Variants in HPSE observed in about 807,000 individuals in gnomAD.
HPSE encodes the protein heparanase.
Under a neutral mutation model 65.1 loss-of-function variants are expected in HPSE, and 48 were observed. The observed-to-expected ratio is 0.74, with a 90% CI of 0.58 to 0.94. The LOEUF (loss-of-function observed/expected upper bound fraction) is 0.94, where lower values mean the gene tolerates loss of function less well. Among genes scored for constraint, HPSE ranks in the 40% least tolerant of loss-of-function variants. HPSE has a pLI of 0.00. For missense variants in HPSE, 644 were observed against 637.5 expected (o/e 1.01, Z -0.11); for synonymous variants, 243 against 260.0 (o/e 0.93, Z 0.63).
intron 1 of HPSE, among the ~76,000 whole-genome samples, chr4:83,334,040 C>A (rs760918587): frequency 9.2e-5 from 14 of 152,136 alleles, no homozygotes; most frequent in Admixed American, 1.3e-4. Flanking sequence ...GGCAAGTGGG[C>A]AGTTTCTTTT....
rs1206211169 is a variant in HPSE at position 83,313,039 on chromosome 4, AAAG to A, written c.673+72_673+74del. 8.2e-6 allele frequency: 8 copies of A among 979,534 alleles called. No individual in the cohort carries two copies. The Admixed American group carries it at 1.1e-4, about 13-fold the overall frequency. 60.7% of individuals were successfully genotyped at this position (979,534 alleles called of 1,614,324 possible). A position where few individuals can be genotyped will look rare whatever the true frequency, so the allele number is the denominator to read the frequency against. On this transcript the variant is annotated intron_variant, in intron 4 of 11. Coordinates refer to ENST00000311412, the MANE Select transcript of HPSE (RefSeq NM_001098540.3). The stretch of plus-strand genomic sequence containing the variant: ...TCTGTCTCAAAAAAAAAAAAAAAAA[AAAG>A]AAAAAGAAAAGAAAAGAAATAATGC...
intron 5 of HPSE, among the ~76,000 whole-genome samples, chr4:83,310,479 G>C (rs1425215476): frequency 6.6e-6 from 1 of 151,874 alleles, no homozygotes; most frequent in Non-Finnish European, 1.5e-5. Flanking sequence ...GACCAGCCTG[G>C]GCAACACAGG....
In HPSE at chr4:83,313,227, C is replaced by T; in HGVS notation, c.560G>A (p.Gly187Asp). Residue 187 changes from glycine (G) to aspartate (D), a missense_variant, in exon 4 of 12, where the codon GGC (glycine) becomes GAC (aspartate). By Grantham distance (94) the Gly-to-Asp change is moderately conservative (BLOSUM62 -1). Transcript: ENST00000311412. Reference sequence around the variant, plus strand: ...TGCTGTTCTTAATAACGCATTTAGGCCAAAGATCAAGTCCAGTCCTGAGCA... The same window carrying T: ...TGCTGTTCTTAATAACGCATTTAGGTCAAAGATCAAGTCCAGTCCTGAGCA... ...ANCSGLDLIF[G>D]LNALLRTADL... The T allele has an allele frequency of 6.2e-7, 1 of 1,613,872 alleles. No homozygotes were observed. The highest frequency in any genetic ancestry group is 8.5e-7 in the Non-Finnish European group (1 of 1,179,928).
chr4:83,313,142 C>T lies in HPSE; in HGVS notation c.645G>A (p.Gly215=), dbSNP rs748751714. 1.2e-6 allele frequency: 2 copies of T among 1,613,496 alleles called. No individual in the cohort carries two copies. Among genetic ancestry groups the T allele is most frequent in the Non-Finnish European group, 1.7e-6 (2 of 1,179,600 alleles). Residue 215 remains glycine (G), a synonymous_variant, in exon 4 of 12, where the codon GGG becomes GGA. Transcript: ENST00000311412. ...QLLLDYCSSK[G]YNISWELGNE... ...TGCCTAGTTCCCAAGAAATGTTATA[C>T]CCCTTGGAAGAGCAGTAGTCCAGGA... is the stretch of plus-strand genomic sequence containing the variant.
At chr4:83,305,620 A>G (rs1736120946) in intron 9 of HPSE, among the ~76,000 whole-genome samples, 1 of 152,206 alleles carries the variant, frequency 6.6e-6, no homozygotes, top group Non-Finnish European at 1.5e-5. Flanking sequence ...CCTGACATAT[A>G]TTTAGACATA....
At chr4:83,322,142 A>G in intron 2 of HPSE, 77 bp downstream of exon 2, 3 of 1,250,022 alleles carry the variant, frequency 2.4e-6, no homozygotes, top group Non-Finnish European at 3.4e-6. Context: ...GGTGTGAGAA[A>G]TAACAGTTTT....
rs370547396 is a variant in HPSE at position 83,319,239 on chromosome 4, CA to C, written c.499+104del. 20 of 1,121,344 alleles carry C rather than the reference CA, an allele frequency of 1.8e-5. No individual in the cohort carries two copies. In the African/African-American group the frequency reaches 2.7e-4, roughly 15 times the overall value. 69.5% of individuals were successfully genotyped at this position (1,121,344 alleles called of 1,614,324 possible). On this transcript the variant is annotated intron_variant, in intron 3 of 11. Coordinates refer to ENST00000311412, the MANE Select transcript of HPSE (RefSeq NM_001098540.3). Reference sequence around the variant, plus strand: ...CATTTGGGAAATGCTTCAGTATTTTCAGCTTTATACAACTTCCGTAGGACTT... The same window carrying C: ...CATTTGGGAAATGCTTCAGTATTTTCGCTTTATACAACTTCCGTAGGACTT...
At chr4:83,329,242 G>A (rs1204573516) in intron 1 of HPSE, among the ~76,000 whole-genome samples, 1 of 152,066 alleles carries the variant, frequency 6.6e-6, no homozygotes, top group Non-Finnish European at 1.5e-5. Flanking sequence ...CACTGAGACT[G>A]GAAATGAAGC....
At chr4:83,307,860 G>T (rs1736202483) in intron 8 of HPSE, among the ~76,000 whole-genome samples, 1 of 152,178 alleles carries the variant, frequency 6.6e-6, no homozygotes, top group South Asian at 2.1e-4. Flanking sequence ...TGAGGATATA[G>T]CAGTATAGAT....
chr4:83,321,814 C>A (rs771009026), intron 2 of HPSE, among the ~76,000 whole-genome samples: 3 of 152,088 alleles, frequency 2.0e-5, no homozygotes, highest in Non-Finnish European at 2.9e-5. Context: ...CACCCATATT[C>A]TATATTTAGA....
chr4:83,320,081 A>T (rs920633637), intron 2 of HPSE, among the ~76,000 whole-genome samples: 7 of 152,072 alleles, frequency 4.6e-5, no homozygotes, highest in African/African-American at 1.4e-4. Flanking sequence ...TCTAATGAAG[A>T]AAACATAGTG....
chr4:83,325,808 C>T (rs190024570), intron 1 of HPSE, among the ~76,000 whole-genome samples: 7 of 152,228 alleles, frequency 4.6e-5, no homozygotes. Context: ...TAAACCTTAT[C>T]TAGATTAAAG....
At chr4:83,318,031 C>A (rs1736722276) in intron 3 of HPSE, among the ~76,000 whole-genome samples, 1 of 152,120 alleles carries the variant, frequency 6.6e-6, no homozygotes, top group South Asian at 2.1e-4. Context: ...TCTTATGGAA[C>A]ACATTTTTTT....
intron 3 of HPSE, among the ~76,000 whole-genome samples, chr4:83,314,347 C>T (rs1736546929): frequency 6.6e-6 from 1 of 151,844 alleles, no homozygotes; most frequent in Non-Finnish European, 1.5e-5. Context: ...AAATTCAACT[C>T]TAACCAGGCA....
intron 4 of HPSE, among the ~76,000 whole-genome samples, 178 bp downstream of exon 4, chr4:83,312,936 G>A (rs1736464106): frequency 4.2e-5 from 2 of 47,810 alleles, no homozygotes; most frequent in African/African-American, 2.2e-4. Context: ...GCAGGAGAAT[G>A]GCGTGAATTT....
At chr4:83,303,989 T>A (rs1460782983) in intron 9 of HPSE, among the ~76,000 whole-genome samples, 1 of 144,420 alleles carries the variant, frequency 6.9e-6, no homozygotes, top group Non-Finnish European at 1.5e-5. Flanking sequence ...TTAGTTGGGA[T>A]GGACCTCTGT....
intron 11 of HPSE, among the ~76,000 whole-genome samples, chr4:83,297,056 A>C (rs1450425854): frequency 6.6e-6 from 1 of 152,192 alleles, no homozygotes; most frequent in African/African-American, 2.4e-5. Flanking sequence ...TTGTAGCACA[A>C]CACATTAGTT....
intron 7 of HPSE, 99 bp from the exon 8 acceptor site, chr4:83,309,050 T>G: frequency 1.2e-6 from 1 of 836,980 alleles, no homozygotes; most frequent in East Asian, 2.6e-5. Flanking sequence ...TTTGTATTCC[T>G]AGACCCACCC....
intron 10 of HPSE, among the ~76,000 whole-genome samples, 163 bp downstream of exon 10, chr4:83,301,987 C>T (rs1316519625): frequency 6.6e-6 from 1 of 152,074 alleles, no homozygotes. Flanking sequence ...TAGCATTTTT[C>T]TTCTAAAAAT....
Sources: allele counts gnomAD v4.1 joint callset (sites outside exome capture counted in the v4.1 genomes callset), GRCh38; gene constraint gnomAD v4.1.1; transcripts MANE v1.5; gene names NCBI Gene and HGNC (gene_info 2026-07-23, HGNC 2026-07-21).